Variants in GALNTL6 observed in about 807,000 individuals in gnomAD.
GALNTL6 encodes the protein polypeptide N-acetylgalactosaminyltransferase-like 6.
Under a neutral mutation model 73.7 loss-of-function variants are expected in GALNTL6, and 46 were observed. The ratio of observed to expected loss-of-function variants is 0.62; its 90% CI spans 0.49 to 0.80. The LOEUF (loss-of-function observed/expected upper bound fraction) is 0.80, where lower values mean the gene tolerates loss of function less well. GALNTL6 is among the 30% of genes least tolerant of loss of function. The pLI is 0.00. For synonymous variants in GALNTL6, 259 were observed against 263.7 expected, an observed-to-expected ratio of 0.98 and a Z score of 0.17; for missense variants, 604 against 755.0, an observed-to-expected ratio of 0.80 and a Z score of 2.34.
intron 5 of GALNTL6, among the ~76,000 whole-genome samples, chr4:172,709,994 A>T (rs913926499): frequency 6.6e-6 from 1 of 152,156 alleles, no homozygotes. Flanking sequence ...CTAAAAGGTT[A>T]AAAAAAGCTG....
intron 2 of GALNTL6, among the ~76,000 whole-genome samples, chr4:171,834,774 G>C (rs1276075103): frequency 6.6e-6 from 1 of 151,912 alleles, no homozygotes; most frequent in Non-Finnish European, 1.5e-5. Context: ...GGTAAAGGAC[G>C]AGAGGCGTAA....
intron 8 of GALNTL6, among the ~76,000 whole-genome samples, chr4:172,915,534 A>T (rs1747456869): frequency 6.6e-6 from 1 of 152,240 alleles, no homozygotes; most frequent in African/African-American, 2.4e-5. Flanking sequence ...GAGAAGAATC[A>T]AATAGATGCA....
intron 5 of GALNTL6, among the ~76,000 whole-genome samples, chr4:172,524,230 A>AT (rs1734876598): frequency 6.6e-6 from 1 of 150,554 alleles, no homozygotes; most frequent in Non-Finnish European, 1.5e-5. Flanking sequence ...TTTTATTTTT[A>AT]TTTTTTGCTC....
intron 5 of GALNTL6, among the ~76,000 whole-genome samples, chr4:172,804,468 A>G (rs553762115): frequency 2.0e-5 from 3 of 152,368 alleles, no homozygotes; most frequent in Non-Finnish European, 2.9e-5. Context: ...CTCCAGATCA[A>G]TAGTGTATCC....
In GALNTL6 at chr4:171,914,780, TA is replaced by T. The variant is rs11447734; in HGVS notation, c.138+100075del. On this transcript the variant is annotated intron_variant, in intron 2 of 12. Coordinates refer to ENST00000506823, the MANE Select transcript of GALNTL6 (RefSeq NM_001034845.3). Reference sequence around the variant, plus strand: ...ATTAACTTCCAGAAAGTAAAAATGATAAAAAAAAAAAAACTATGAATAGTGA... The same window carrying T: ...ATTAACTTCCAGAAAGTAAAAATGATAAAAAAAAAAAACTATGAATAGTGA... Among the ~76,000 whole-genome samples, 284 of 144,828 alleles carry T rather than the reference TA, an allele frequency of 2.0e-3. 1 individual carries two copies. Among genetic ancestry groups the T allele is most frequent in the African/African-American group, 4.9e-3 (193 of 39,616 alleles).
chr4:171,851,483 T>C (rs1052436983), intron 2 of GALNTL6, among the ~76,000 whole-genome samples: 3 of 152,206 alleles, frequency 2.0e-5, no homozygotes, highest in Non-Finnish European at 4.4e-5. Flanking sequence ...ATTATGTTTA[T>C]TTTTAGAGTC....
chr4:172,846,946 C>G (rs1743544451), intron 7 of GALNTL6, among the ~76,000 whole-genome samples: 1 of 151,940 alleles, frequency 6.6e-6, no homozygotes, highest in African/African-American at 2.4e-5. Flanking sequence ...TTCTCTCGTC[C>G]TCGCTCTCTT....
chr4:172,808,977 C>A (rs1741131622), intron 5 of GALNTL6, among the ~76,000 whole-genome samples: 1 of 152,188 alleles, frequency 6.6e-6, no homozygotes, highest in South Asian at 2.1e-4. Flanking sequence ...CAAAGCCTTG[C>A]TGTAGAGAGC....
intron 2 of GALNTL6, among the ~76,000 whole-genome samples, chr4:171,984,383 A>G (rs936575511): frequency 6.6e-6 from 1 of 152,152 alleles, no homozygotes; most frequent in Non-Finnish European, 1.5e-5. Context: ...AAAAGGCATG[A>G]GAGGAAGTGA....
intron 2 of GALNTL6, among the ~76,000 whole-genome samples, chr4:171,964,448 G>T (rs1436064949): frequency 6.6e-6 from 1 of 152,016 alleles, no homozygotes; most frequent in Non-Finnish European, 1.5e-5. Context: ...GGAATCAAAA[G>T]CTTTTTAATT....
chr4:172,141,913 C>CA (rs1560939874), intron 2 of GALNTL6, among the ~76,000 whole-genome samples: 3,478 of 102,604 alleles, frequency 0.034, 55 homozygotes, highest in South Asian at 0.068. Context: ...ACACACACAC[C>CA]CCCCACACTC....
At chr4:172,454,613 C>T (rs1732324876) in intron 5 of GALNTL6, among the ~76,000 whole-genome samples, 1 of 152,206 alleles carries the variant, frequency 6.6e-6, no homozygotes, top group Admixed American at 6.5e-5. Flanking sequence ...ATAATTGGTG[C>T]CCAAGTGTCC....
rs1054611717 is a variant in GALNTL6, at chr4:172,586,173, A to G, written c.554-223188A>G. 1.1e-3 allele frequency among the ~76,000 whole-genome samples: 168 copies of G among 152,350 alleles called. 2 individuals carry two copies. Among genetic ancestry groups the G allele is most frequent in the African/African-American group, 3.8e-3 (159 of 41,588 alleles). On this transcript the variant is annotated intron_variant, in intron 5 of 12. Transcript: ENST00000506823. Reference sequence around the variant, plus strand: ...TTCCAACTAGACTTTAAACTCCTTGAGAAAATGTGTCTTCTTATTCTTTAT... The same window carrying G: ...TTCCAACTAGACTTTAAACTCCTTGGGAAAATGTGTCTTCTTATTCTTTAT...
At chr4:172,098,029 A>G (rs760347862) in intron 2 of GALNTL6, among the ~76,000 whole-genome samples, 98 of 152,124 alleles carry the variant, frequency 6.4e-4, no homozygotes, top group Non-Finnish European at 1.2e-3. Flanking sequence ...AGCATTATTT[A>G]TTGGAAATAA....
intron 5 of GALNTL6, among the ~76,000 whole-genome samples, chr4:172,509,971 T>C (rs894400825): frequency 1.8e-5 from 1 of 55,018 alleles, no homozygotes; most frequent in African/African-American, 4.5e-5. Context: ...TTTCTAGTTA[T>C]GTGAAGAATG....
chr4:172,207,487 G>A (rs937805013), intron 2 of GALNTL6, among the ~76,000 whole-genome samples: 2 of 152,104 alleles, frequency 1.3e-5, no homozygotes, highest in African/African-American at 4.8e-5. Flanking sequence ...GTTTTGACAC[G>A]TTAAGTTTCA....
rs529893918 is a variant in GALNTL6, at chr4:172,877,767, A to G, written c.924-5023A>G. Among the ~76,000 whole-genome samples the G allele has an allele frequency of 9.2e-5, 14 of 152,044 alleles. No homozygotes were observed. The South Asian group carries it at 2.7e-3, about 29-fold the overall frequency. On this transcript the variant is annotated intron_variant, in intron 7 of 12. Transcript: ENST00000506823. ...TTCAGTAAGAACCTGTTGCTTCATG[A>G]TCATATTAATTTTAAAAGGCATCTC...
At chr4:173,018,462 G>C (rs924773235) in intron 11 of GALNTL6, among the ~76,000 whole-genome samples, 3 of 152,078 alleles carry the variant, frequency 2.0e-5, no homozygotes, top group Admixed American at 1.3e-4. Context: ...AAATTGTTCT[G>C]GGTGCTGGAA....
chr4:172,548,486 GGTACATGGTATGTGGTTTAATTTTA>G (rs1735850558), intron 5 of GALNTL6, among the ~76,000 whole-genome samples: 1 of 152,082 alleles, frequency 6.6e-6, no homozygotes, highest in Non-Finnish European at 1.5e-5. Context: ...TAAAGCCCCC[GGTACATGGTATGTGGTTTAATTTTA>G]GTTGTATAAA....
Sources: gnomAD v4.1 joint callset for allele counts (sites outside exome capture counted in the v4.1 genomes callset) on GRCh38, gnomAD v4.1.1 for gene constraint, MANE v1.5 for transcripts, NCBI Gene and HGNC (gene_info 2026-07-23, HGNC 2026-07-21) for gene names.